Variants in DLG2 observed in about 807,000 individuals in gnomAD.
DLG2 encodes disks large homolog 2.
In DLG2, 45 loss-of-function variants were observed where a neutral mutation model predicts 132.5. The observed-to-expected ratio is 0.34, with a 90% confidence interval of 0.27 to 0.44. The LOEUF is 0.44. DLG2 is among the 20% of genes least tolerant of loss of function. DLG2 has a pLI of 1.00. For missense variants in DLG2, 1,045 were observed against 1,196.9 expected (o/e 0.87, Z 1.87); for synonymous variants, 424 against 419.6 (o/e 1.01, Z -0.13).
chr11:84,170,674 G>A (rs1415786541), intron 8 of DLG2, among the ~76,000 whole-genome samples: 1 of 152,196 alleles, frequency 6.6e-6, no homozygotes, highest in African/African-American at 2.4e-5. Flanking sequence ...CACATCTTCA[G>A]AATGTTCTAC....
At chr11:84,016,221 A>C (rs12805074) in intron 11 of DLG2, among the ~76,000 whole-genome samples, 3,367 of 151,828 alleles carry the variant, frequency 0.022, 68 homozygotes, top group Middle Eastern at 0.034. Flanking sequence ...CCACTTTTTA[A>C]TGTGGTTATT....
At chr11:83,761,430 T>C (rs546259436) in intron 18 of DLG2, among the ~76,000 whole-genome samples, 1 of 152,342 alleles carries the variant, frequency 6.6e-6, no homozygotes, top group African/African-American at 2.4e-5. Flanking sequence ...AATCCCAAGT[T>C]GATGCCTTAA....
chr11:85,513,630 C>T (rs1292434591), intron 3 of DLG2, among the ~76,000 whole-genome samples: 1 of 151,932 alleles, frequency 6.6e-6, no homozygotes, highest in Admixed American at 6.6e-5. Flanking sequence ...AAGGTACAAA[C>T]TTCTACTTTC....
chr11:84,870,840 G>GAAGA (rs2085357366), intron 6 of DLG2, among the ~76,000 whole-genome samples: 1 of 152,174 alleles, frequency 6.6e-6, no homozygotes, highest in African/African-American at 2.4e-5. Flanking sequence ...GCCCATGACA[G>GAAGA]AAGAGATTAT....
intron 3 of DLG2, among the ~76,000 whole-genome samples, chr11:85,446,949 T>C (rs1312619140): frequency 2.6e-5 from 4 of 152,156 alleles, no homozygotes; most frequent in Non-Finnish European, 2.9e-5. Context: ...GAATAAAATC[T>C]TTTAGTCTAA....
At chr11:83,483,226 T>G (rs757940662) in intron 22 of DLG2, 7 of 1,603,670 alleles carry the variant, frequency 4.4e-6, no homozygotes, top group Non-Finnish European at 6.0e-6. Flanking sequence ...AAAAGAAAAG[T>G]TACAGTGACC....
intron 4 of DLG2, among the ~76,000 whole-genome samples, chr11:85,195,523 GTTTTTT>G (rs34574453): frequency 7.5e-6 from 1 of 133,708 alleles, no homozygotes; most frequent in African/African-American, 2.7e-5. Flanking sequence ...AAGTGACAGT[GTTTTTT>G]TTTTTTTTTT....
intron 3 of DLG2, among the ~76,000 whole-genome samples, chr11:85,477,364 T>C (rs905211165): frequency 6.6e-6 from 1 of 152,198 alleles, no homozygotes; most frequent in African/African-American, 2.4e-5. Context: ...TAGTAGAACA[T>C]GTTTGTGACT....
At chr11:83,703,985 T>A (rs899757023) in intron 18 of DLG2, among the ~76,000 whole-genome samples, 8 of 152,168 alleles carry the variant, frequency 5.3e-5, no homozygotes, top group South Asian at 2.1e-4. Flanking sequence ...AAAAAGGAAG[T>A]ATCAACTACC....
chr11:85,016,696 C>T (rs1245346097), intron 6 of DLG2, among the ~76,000 whole-genome samples: 2 of 152,172 alleles, frequency 1.3e-5, no homozygotes, highest in East Asian at 3.8e-4. Context: ...CTTCCCCTCT[C>T]ATTTCCCTCA....
At chr11:84,910,721 T>C (rs968103960) in intron 6 of DLG2, among the ~76,000 whole-genome samples, 13 of 152,090 alleles carry the variant, frequency 8.5e-5, no homozygotes, top group Admixed American at 5.2e-4. Context: ...GAGACCTGCC[T>C]GGGCAATATA....
chr11:84,948,559 T>C (rs1277889609), intron 6 of DLG2, among the ~76,000 whole-genome samples: 2 of 152,250 alleles, frequency 1.3e-5, no homozygotes, highest in Non-Finnish European at 2.9e-5. Context: ...GCCCAGTTTA[T>C]GCAAATGCAT....
At position 83,644,773 on chromosome 11, in the gene DLG2, C is replaced by A. The variant is rs548006551; in HGVS notation, c.1826-11448G>T. ...GTAATTTTTTTCTAAAAAATTGTTCCCCTAATTTTTGGCAAAGGATCTATG... is the reference window on the plus strand; with the variant it reads ...GTAATTTTTTTCTAAAAAATTGTTCACCTAATTTTTGGCAAAGGATCTATG... On this transcript the variant is annotated intron_variant, in intron 18 of 27. Coordinates refer to ENST00000376104, the MANE Select transcript of DLG2 (RefSeq NM_001142699.3). Among the ~76,000 whole-genome samples, 3 of 150,936 alleles carry A rather than the reference C, an allele frequency of 2.0e-5. No individual in the cohort carries two copies. The South Asian group carries it at 6.2e-4, about 31-fold the overall frequency.
At chr11:85,428,193 C>T (rs1298977916) in intron 3 of DLG2, among the ~76,000 whole-genome samples, 1 of 152,246 alleles carries the variant, frequency 6.6e-6, no homozygotes, top group Non-Finnish European at 1.5e-5. Context: ...CTATAACACC[C>T]CACTGTCAAC....
Position 83,601,753 on chromosome 11 carries a change from G to A in DLG2, c.1940+31458C>T, listed in dbSNP as rs117381740. On this transcript the variant is annotated intron_variant, in intron 19 of 27. Transcript: ENST00000376104. ...GCCTGGGCTGATCTCGAACTCCTGG[G>A]CTCAAGTGATCTGCCGGCCTCGGCC... Among the ~76,000 whole-genome samples the A allele has an allele frequency of 3.8e-3, 570 of 151,846 alleles. 23 individuals carry two copies. In the East Asian group the frequency reaches 0.091, roughly 24 times the overall value.
At chr11:84,165,833 G>A (rs901074997) in intron 8 of DLG2, among the ~76,000 whole-genome samples, 1 of 152,090 alleles carries the variant, frequency 6.6e-6, no homozygotes, top group African/African-American at 2.4e-5. Flanking sequence ...GGGAGATGGA[G>A]GTTACAGTGA....
chr11:85,472,931 T>C (rs1056628332), intron 3 of DLG2, among the ~76,000 whole-genome samples: 2 of 152,252 alleles, frequency 1.3e-5, no homozygotes, highest in African/African-American at 4.8e-5. Context: ...GCAACCCTTC[T>C]GGGAGCCCAG....
chr11:85,013,751 T>C (rs7105774), intron 6 of DLG2, among the ~76,000 whole-genome samples: 78,719 of 151,916 alleles, frequency 0.52, 20,771 homozygotes, highest in East Asian at 0.63. Context: ...TTTTGTCAAG[T>C]TGCATGTAAA....
intron 9 of DLG2, among the ~76,000 whole-genome samples, chr11:84,159,169 C>T (rs943737608): frequency 1.3e-5 from 2 of 152,118 alleles, no homozygotes; most frequent in Admixed American, 1.3e-4. Context: ...TGAGTATACA[C>T]TAAATTTCAG....
Sources: allele counts gnomAD v4.1 joint callset (sites outside exome capture counted in the v4.1 genomes callset), GRCh38; gene constraint gnomAD v4.1.1; transcripts MANE v1.5; gene names NCBI Gene and HGNC (gene_info 2026-07-23, HGNC 2026-07-21).